Variants in KLHL14 observed in about 807,000 individuals in gnomAD.
KLHL14 encodes kelch-like protein 14.
KLHL14 carries 22 observed loss-of-function variants against 64.3 expected under a neutral mutation model. That is an observed-to-expected ratio of 0.34 (90% CI 0.24 to 0.49). The LOEUF (loss-of-function observed/expected upper bound fraction) is 0.49, where lower values mean the gene tolerates loss of function less well. Ranked by LOEUF, KLHL14 falls within the 20% of genes least tolerant of loss-of-function variation. The pLI, the probability that KLHL14 is intolerant of heterozygous loss-of-function variation, is 0.99. For missense variants in KLHL14, 661 were observed against 789.0 expected (o/e 0.84, Z 1.94); for synonymous variants, 322 against 333.4 (o/e 0.97, Z 0.37).
intron 5 of KLHL14, among the ~76,000 whole-genome samples, chr18:32,686,012 C>CT (rs5823856): frequency 0.055 from 7,589 of 138,454 alleles, 286 homozygotes; most frequent in Non-Finnish European, 0.077. Flanking sequence ...CTTTTTCTTT[C>CT]TTTTTTTTTT....
intron 2 of KLHL14, among the ~76,000 whole-genome samples, chr18:32,760,069 G>C (rs972606320): frequency 1.3e-5 from 2 of 151,952 alleles, no homozygotes; most frequent in Non-Finnish European, 2.9e-5. Context: ...GGTTTTGAGG[G>C]GTGCTCAAAA....
intron 3 of KLHL14, among the ~76,000 whole-genome samples, chr18:32,726,449 C>A (rs1163291957): frequency 6.6e-6 from 1 of 152,012 alleles, no homozygotes; most frequent in Non-Finnish European, 1.5e-5. Flanking sequence ...CATGTTGAAA[C>A]CCCGTCTCTA....
chr18:32,695,307 C>T (rs576139846), intron 4 of KLHL14, among the ~76,000 whole-genome samples, 156 bp downstream of exon 4: 3 of 152,274 alleles, frequency 2.0e-5, no homozygotes, highest in Admixed American at 2.0e-4. Flanking sequence ...ATGATTGACC[C>T]TCTCTCCAAT....
intron 4 of KLHL14, among the ~76,000 whole-genome samples, chr18:32,690,456 A>G (rs1568065609): frequency 6.6e-6 from 1 of 152,146 alleles, no homozygotes; most frequent in Non-Finnish European, 1.5e-5. Flanking sequence ...TTGGCTGGGC[A>G]TGGTGGCTCA....
intron 3 of KLHL14, among the ~76,000 whole-genome samples, chr18:32,717,619 C>T: frequency 6.6e-6 from 1 of 152,180 alleles, no homozygotes; most frequent in Admixed American, 6.5e-5. Context: ...TTCCCCCTTC[C>T]AGATCTCAAT....
At chr18:32,721,558 T>C (rs1568074117) in intron 3 of KLHL14, among the ~76,000 whole-genome samples, 1 of 152,242 alleles carries the variant, frequency 6.6e-6, no homozygotes. Flanking sequence ...ATGAAATTTA[T>C]ATTTCTACCT....
chr18:32,765,632 A>G (rs1568086208), intron 2 of KLHL14, among the ~76,000 whole-genome samples: 1 of 152,172 alleles, frequency 6.6e-6, no homozygotes, highest in Non-Finnish European at 1.5e-5. Flanking sequence ...ATACAAGTTT[A>G]GTTTGCTTTG....
At chr18:32,764,909 A>G (rs1205915927) in intron 2 of KLHL14, among the ~76,000 whole-genome samples, 2 of 152,142 alleles carry the variant, frequency 1.3e-5, no homozygotes, top group African/African-American at 4.8e-5. Flanking sequence ...CAGATACATT[A>G]CTATTTAACC....
chr18:32,771,122 C>G (rs745541556), intron 1 of KLHL14: 3 of 198,104 alleles, frequency 1.5e-5, no homozygotes, highest in Admixed American at 6.1e-5. Context: ...AACTTGTGCC[C>G]GAAGCTTTGC....
At chr18:32,721,064 C>T (rs951069924) in intron 3 of KLHL14, among the ~76,000 whole-genome samples, 3 of 152,148 alleles carry the variant, frequency 2.0e-5, no homozygotes, top group African/African-American at 2.4e-5. Context: ...GCGCAATTGC[C>T]AACAAAGTGT....
intron 7 of KLHL14, 25 bp from the exon 8 acceptor site, chr18:32,677,355 A>C (rs1484743863): frequency 3.8e-6 from 6 of 1,591,848 alleles, no homozygotes; most frequent in Non-Finnish European, 5.1e-6. Flanking sequence ...AAAGTGGAAC[A>C]ACAAAATGAT....
chr18:32,703,085 CAG>C (rs1283220375), intron 3 of KLHL14, among the ~76,000 whole-genome samples: 1 of 152,120 alleles, frequency 6.6e-6, no homozygotes, highest in African/African-American at 2.4e-5. Context: ...AGTGATGAAA[CAG>C]TGTATTAAAA....
chr18:32,765,618 A>G (rs2050338362), intron 2 of KLHL14, among the ~76,000 whole-genome samples: 2 of 152,202 alleles, frequency 1.3e-5, no homozygotes, highest in African/African-American at 4.8e-5. Flanking sequence ...TAGAGAATGC[A>G]TGGATACAAG....
At chr18:32,725,903 C>T (rs930592687) in intron 3 of KLHL14, among the ~76,000 whole-genome samples, 2 of 152,152 alleles carry the variant, frequency 1.3e-5, no homozygotes, top group Non-Finnish European at 2.9e-5. Flanking sequence ...CCTTGGTTTC[C>T]TCCTCTATGA....
chr18:32,734,177 T>C lies in KLHL14; in HGVS notation c.1069+7751A>G, dbSNP rs567729369. The C allele has an allele frequency of 7.4e-5, 52 of 702,908 alleles. No individual in the cohort carries two copies. In the South Asian group the frequency reaches 7.7e-4, roughly 10 times the overall value. 43.5% of individuals were successfully genotyped at this position (702,908 alleles called of 1,614,324 possible). A position where few individuals can be genotyped will look rare whatever the true frequency, so the allele number is the denominator to read the frequency against. On this transcript the variant is annotated intron_variant, in intron 3 of 8. Transcript: ENST00000359358. ...ATTGTGTTGTTTGAAAATTCTCTGG[T>C]TTTCCTCCTTCTGAACTCTGGTGAG... is the stretch of plus-strand genomic sequence containing the variant.
chr18:32,698,605 G>C (rs2049947817), intron 3 of KLHL14, among the ~76,000 whole-genome samples: 1 of 152,040 alleles, frequency 6.6e-6, no homozygotes, highest in Admixed American at 6.6e-5. Context: ...CATTTAAAAA[G>C]GTCACTTTAC....
rs376813955 is a variant in KLHL14 at position 32,741,985 on chromosome 18, G to A, written c.1012C>T (p.Pro338Ser). The change falls in exon 3 of 9, where the codon CCC (proline) becomes TCC (serine). Residue 338 changes from proline to serine, a missense_variant. Coordinates refer to ENST00000359358, the MANE Select transcript of KLHL14 (RefSeq NM_020805.3). ...GGLPPGPDRL[P>S]SNLVQYYDDE... ...TCGTAATACTGAACCAAATTGCTGG[G>A]GAGCCGGTCCGGTCCAGGAGGCAGC... 1.2e-6 allele frequency: 2 copies of A among 1,612,758 alleles called. No individual in the cohort carries two copies. Among genetic ancestry groups the A allele is most frequent in the Non-Finnish European group, 1.7e-6 (2 of 1,179,734 alleles).
chr18:32,718,114 C>T (rs1408821760), intron 3 of KLHL14, among the ~76,000 whole-genome samples: 1 of 152,190 alleles, frequency 6.6e-6, no homozygotes, highest in Non-Finnish European at 1.5e-5. Context: ...AATGATTACC[C>T]TGCCTCCAAT....
At position 32,680,849 on chromosome 18, in the gene KLHL14, G is replaced by A. The variant is rs1358384368; in HGVS notation, c.1239-250C>T. On this transcript the variant is annotated intron_variant, in intron 5 of 8. Transcript: ENST00000359358. The surrounding 1 kb of genome is among the most constrained non-coding windows in gnomAD (Gnocchi z 4.8). ...TAGAGGAGAAATTCACCAACTCTTTGTTTCAGCCCTTGTTATCTTGTTTTA... is the reference window on the plus strand; with the variant it reads ...TAGAGGAGAAATTCACCAACTCTTTATTTCAGCCCTTGTTATCTTGTTTTA... Among the ~76,000 whole-genome samples the A allele has an allele frequency of 6.6e-6, 1 of 151,742 alleles. No homozygotes were observed. The highest frequency in any genetic ancestry group is 1.5e-5 in the Non-Finnish European group (1 of 67,988).
Sources: allele counts gnomAD v4.1 joint callset (sites outside exome capture counted in the v4.1 genomes callset), GRCh38; gene constraint gnomAD v4.1.1; non-coding constraint Gnocchi (gnomAD v3.1); transcripts MANE v1.5; gene names NCBI Gene and HGNC (gene_info 2026-07-23, HGNC 2026-07-21).